Variants in ALDH1L1 observed in about 807,000 individuals in gnomAD.
ALDH1L1 encodes aldehyde dehydrogenase 1 family member L1.
ALDH1L1 carries 68 observed loss-of-function variants against 101.1 expected under a neutral mutation model. The ratio of observed to expected loss-of-function variants is 0.67; its 90% CI spans 0.55 to 0.82. The LOEUF is 0.82. Ranked by LOEUF, ALDH1L1 falls within the 40% of genes least tolerant of loss-of-function variation. ALDH1L1 has a pLI of 0.00. For missense variants in ALDH1L1, 1,087 were observed against 1,172.7 expected (o/e 0.93, Z 1.07); for synonymous variants, 486 against 470.8 (o/e 1.03, Z -0.42).
intron 1 of ALDH1L1, among the ~76,000 whole-genome samples, chr3:126,165,167 CT>C (rs1224577338): frequency 6.6e-6 from 1 of 152,028 alleles, no homozygotes; most frequent in Non-Finnish European, 1.5e-5. Flanking sequence ...TTTTCTGTAT[CT>C]ATTGAGATGA....
At chr3:126,181,935 T>C (rs1043996609), upstream of ALDH1L1, among the ~76,000 whole-genome samples, 6 of 152,192 alleles carry the variant, frequency 3.9e-5, no homozygotes, top group African/African-American at 1.4e-4. Context: ...CTCCCTGCTG[T>C]CCCTCATATC....
chr3:126,160,767 C>A lies in ALDH1L1; in HGVS notation c.127+86G>T, dbSNP rs2081027976. 6 of 1,560,102 alleles carry A rather than the reference C, an allele frequency of 3.8e-6. No individual in the cohort carries two copies. The African/African-American group carries it at 5.4e-5, about 14-fold the overall frequency. On this transcript the variant is annotated intron_variant, in intron 2 of 22. Transcript: ENST00000393434. ...AGAGCACAGGCCCTGCAGACTTCTG[C>A]TCCCAGACTCCCACCTACTGCTTCC... is the stretch of plus-strand genomic sequence containing the variant.
At chr3:126,179,312 G>A (rs544287881) in intron 1 of ALDH1L1, among the ~76,000 whole-genome samples, 1 of 152,344 alleles carries the variant, frequency 6.6e-6, no homozygotes, top group East Asian at 1.9e-4. Flanking sequence ...TGTGAGGCTG[G>A]GCCACCCTGC....
chr3:126,123,578 T>C (rs72965985), intron 16 of ALDH1L1, among the ~76,000 whole-genome samples: 1,759 of 150,378 alleles, frequency 0.012, 36 homozygotes, highest in African/African-American at 0.041. Context: ...CTTTTTCAAA[T>C]GCTTTCCTTA....
intron 1 of ALDH1L1, among the ~76,000 whole-genome samples, chr3:126,164,692 T>G (rs1479661527): frequency 2.0e-5 from 3 of 152,228 alleles, no homozygotes; most frequent in Non-Finnish European, 4.4e-5. Context: ...CAAGCGCATG[T>G]GTCTTTTTCA....
At chr3:126,127,155 A>G (rs1576431942) in intron 14 of ALDH1L1, among the ~76,000 whole-genome samples, 1 of 152,156 alleles carries the variant, frequency 6.6e-6, no homozygotes, top group East Asian at 1.9e-4. Flanking sequence ...CAGCAGCCCG[A>G]ACTGACGCCC....
intron 20 of ALDH1L1, among the ~76,000 whole-genome samples, chr3:126,108,263 G>A: frequency 6.6e-6 from 1 of 152,134 alleles, no homozygotes; most frequent in East Asian, 1.9e-4. Flanking sequence ...GACCCTGAGA[G>A]CTGGTCTCCT....
chr3:126,175,794 G>A (rs1022422109), intron 1 of ALDH1L1, among the ~76,000 whole-genome samples: 1 of 152,124 alleles, frequency 6.6e-6, no homozygotes, highest in Non-Finnish European at 1.5e-5. Flanking sequence ...AGGCAAGGAT[G>A]TTCCCTTTCA....
At chr3:126,130,316 C>T in intron 13 of ALDH1L1, 23 bp from the exon 14 acceptor site, 2 of 1,589,870 alleles carry the variant, frequency 1.3e-6, no homozygotes, top group South Asian at 1.2e-5. Context: ...CAGGGGCAGT[C>T]ACCCAGGGGC....
Position 126,138,442 on chromosome 3 carries a change from C to G in ALDH1L1, c.1077-482G>C, listed in dbSNP as rs188153136. Reference sequence around the variant, plus strand: ...CCCTCAAAACTCAATACTAAGAAAGCAAACAACCTAATTAAAAATGAGCAA... The same window carrying G: ...CCCTCAAAACTCAATACTAAGAAAGGAAACAACCTAATTAAAAATGAGCAA... On this transcript the variant is annotated intron_variant, in intron 9 of 22. Transcript: ENST00000393434. Among the ~76,000 whole-genome samples the G allele has an allele frequency of 3.4e-3, 514 of 152,222 alleles. 7 individuals carry two copies. The highest frequency in any genetic ancestry group is 0.012 in the African/African-American group (489 of 41,540).
intron 14 of ALDH1L1, chr3:126,129,954 A>G: frequency 3.5e-6 from 1 of 289,584 alleles, no homozygotes; most frequent in Non-Finnish European, 6.4e-6. Context: ...ATGAACACTG[A>G]CCACCATACC....
At chr3:126,132,531 C>T (rs569095419) in intron 12 of ALDH1L1, among the ~76,000 whole-genome samples, 251 of 152,306 alleles carry the variant, frequency 1.6e-3, no homozygotes, top group African/African-American at 5.8e-3. Flanking sequence ...CGGCCTCTTC[C>T]AGGTGCTCAG....
At chr3:126,131,912 A>G (rs2080316855) in intron 12 of ALDH1L1, among the ~76,000 whole-genome samples, 1 of 152,254 alleles carries the variant, frequency 6.6e-6, no homozygotes, top group Non-Finnish European at 1.5e-5. Flanking sequence ...AGCTTGAACC[A>G]GGAGAAAGTC....
At chr3:126,105,619 C>T (rs769373697) in intron 22 of ALDH1L1, 107 bp downstream of exon 22, 1 of 1,303,250 alleles carries the variant, frequency 7.7e-7, no homozygotes. Flanking sequence ...CCATCATGTT[C>T]AAGGCTACGT....
intron 12 of ALDH1L1, among the ~76,000 whole-genome samples, chr3:126,131,922 C>A (rs1161515298): frequency 2.0e-5 from 3 of 152,240 alleles, no homozygotes; most frequent in African/African-American, 7.2e-5. Flanking sequence ...AGGAGAAAGT[C>A]CATCTGTCTT....
At chr3:126,170,338 T>C (rs1460136107) in intron 1 of ALDH1L1, among the ~76,000 whole-genome samples, 1 of 151,588 alleles carries the variant, frequency 6.6e-6, no homozygotes, top group Non-Finnish European at 1.5e-5. Flanking sequence ...AGCATTTTGC[T>C]TAATTATTAT....
chr3:126,197,049 G>C (rs1229612269), intron 1 of ALDH1L1, among the ~76,000 whole-genome samples: 1 of 152,174 alleles, frequency 6.6e-6, no homozygotes, highest in Admixed American at 6.5e-5. Flanking sequence ...CCACCACGAA[G>C]TTACAAGTTC....
chr3:126,181,017 T>C (rs1363952106), upstream of ALDH1L1: 2 of 1,597,990 alleles, frequency 1.3e-6, no homozygotes, highest in Admixed American at 3.4e-5. Context: ...TCCGGGAATT[T>C]GCAGCCGCTT....
chr3:126,138,885 T>G (rs2080508720), intron 9 of ALDH1L1, among the ~76,000 whole-genome samples: 1 of 152,250 alleles, frequency 6.6e-6, no homozygotes, highest in Non-Finnish European at 1.5e-5. Flanking sequence ...TCAAATATGT[T>G]GGAACTTTGG....
Sources: allele counts gnomAD v4.1 joint callset (sites outside exome capture counted in the v4.1 genomes callset), GRCh38; gene constraint gnomAD v4.1.1; transcripts MANE v1.5; gene names NCBI Gene and HGNC (gene_info 2026-07-23, HGNC 2026-07-21).